Variants in DLGAP2 observed in about 807,000 individuals in gnomAD.
The protein encoded by DLGAP2 is disks large-associated protein 2.
Under a neutral mutation model 100.3 loss-of-function variants are expected in DLGAP2, and 26 were observed. The ratio of observed to expected loss-of-function variants is 0.26; its 90% confidence interval spans 0.19 to 0.36. The LOEUF (loss-of-function observed/expected upper bound fraction) is 0.36. Ranked by LOEUF, DLGAP2 falls within the 10% of genes least tolerant of loss-of-function variation. The probability of loss-of-function intolerance (pLI) is 1.00; values close to 1 mark genes in which losing one functional copy is unlikely to be tolerated. For synonymous variants in DLGAP2, 886 were observed against 630.1 expected, an observed-to-expected ratio of 1.41 and a Z score of -6.08; for missense variants, 1,858 against 1,453.2, an observed-to-expected ratio of 1.28 and a Z score of -4.53.
intron 2 of DLGAP2, among the ~76,000 whole-genome samples, chr8:1,183,343 A>G (rs1350912303): frequency 6.6e-6 from 1 of 152,186 alleles, no homozygotes; most frequent in Non-Finnish European, 1.5e-5. Context: ...TAATTAGCCT[A>G]GCAATTATTT....
At chr8:1,142,830 G>A (rs1464084407) in intron 2 of DLGAP2, among the ~76,000 whole-genome samples, 3 of 152,160 alleles carry the variant, frequency 2.0e-5, no homozygotes, top group Admixed American at 1.3e-4. Flanking sequence ...GAGACCTGGC[G>A]GGAGGAGGAG....
intron 4 of DLGAP2, among the ~76,000 whole-genome samples, chr8:1,515,248 GTCTT>G (rs1285687934): frequency 2.0e-5 from 3 of 152,294 alleles, no homozygotes; most frequent in Admixed American, 1.3e-4. Flanking sequence ...GGGCCAAGGT[GTCTT>G]TCTTTCTTTT....
chr8:1,161,228 G>A (rs139864690), intron 2 of DLGAP2, among the ~76,000 whole-genome samples: 45 of 152,298 alleles, frequency 3.0e-4, no homozygotes, highest in East Asian at 1.7e-3. Context: ...GGCTGGCATG[G>A]ATAGAACCAT....
intron 2 of DLGAP2, among the ~76,000 whole-genome samples, chr8:919,544 A>G (rs932388761): frequency 2.6e-5 from 4 of 152,276 alleles, no homozygotes; most frequent in East Asian, 1.9e-4. Context: ...CCCAGTTAAC[A>G]TCAGGTTGGC....
At chr8:1,165,295 G>C (rs1168154987) in intron 2 of DLGAP2, among the ~76,000 whole-genome samples, 2 of 151,426 alleles carry the variant, frequency 1.3e-5, no homozygotes, top group East Asian at 2.0e-4. Flanking sequence ...TGGGGAGAGA[G>C]ACAGGGAGAG....
At chr8:1,253,824 T>C (rs2116887476) in intron 2 of DLGAP2, among the ~76,000 whole-genome samples, 1 of 152,366 alleles carries the variant, frequency 6.6e-6, no homozygotes, top group East Asian at 1.9e-4. Flanking sequence ...GAATCTTTTT[T>C]AATGGGTGTT....
chr8:1,305,233 T>C (rs1352627909), intron 3 of DLGAP2, among the ~76,000 whole-genome samples: 1 of 152,180 alleles, frequency 6.6e-6, no homozygotes, highest in Non-Finnish European at 1.5e-5. Flanking sequence ...CATCTCTCAA[T>C]GTTAGGGAGT....
At chr8:785,807 TCC>T (rs1491272445) in intron 1 of DLGAP2, among the ~76,000 whole-genome samples, 5,172 of 51,540 alleles carry the variant, frequency 0.1, 810 homozygotes, top group East Asian at 0.22. Flanking sequence ...GCCTCCCTCC[TCC>T]CCTCAGGCTC....
chr8:1,116,836 T>C (rs760582160), intron 2 of DLGAP2, among the ~76,000 whole-genome samples: 19 of 152,116 alleles, frequency 1.2e-4, no homozygotes, highest in Admixed American at 7.2e-4. Context: ...TATTCATTAC[T>C]GTATCTGGAA....
In DLGAP2 at chr8:852,300, T is replaced by TG. The variant is rs571734289; in HGVS notation, c.19-55611dup. 2.6e-4 allele frequency among the ~76,000 whole-genome samples: 40 copies of TG among 152,352 alleles called. 1 individual carries two copies. The East Asian group carries it at 7.7e-3, about 29-fold the overall frequency. On this transcript the variant is annotated intron_variant, in intron 1 of 14. Coordinates refer to ENST00000637795, the MANE Select transcript of DLGAP2 (RefSeq NM_001346810.2). ...TCTGGAGGCCACAGGCCTGGGGCTCTGCCTCCTGTCTCCACTGAGCTGTCA... is the reference window on the plus strand; with the variant it reads ...TCTGGAGGCCACAGGCCTGGGGCTCTGGCCTCCTGTCTCCACTGAGCTGTCA...
chr8:1,179,687 G>A (rs1045622085), intron 2 of DLGAP2, among the ~76,000 whole-genome samples: 4 of 152,162 alleles, frequency 2.6e-5, no homozygotes, highest in South Asian at 2.1e-4. Flanking sequence ...TATATTAAGC[G>A]ACCCTGGAAT....
chr8:935,284 G>C (rs905247007), intron 2 of DLGAP2, among the ~76,000 whole-genome samples: 8 of 152,160 alleles, frequency 5.3e-5, no homozygotes, highest in Non-Finnish European at 8.8e-5. Flanking sequence ...GGGAGTCCTC[G>C]CTGTACAAAC....
intron 2 of DLGAP2, among the ~76,000 whole-genome samples, chr8:974,629 C>T (rs1277015866): frequency 1.3e-5 from 2 of 152,108 alleles, no homozygotes; most frequent in Non-Finnish European, 2.9e-5. Context: ...AGATACTAAA[C>T]AACATACTTC....
intron 3 of DLGAP2, among the ~76,000 whole-genome samples, chr8:1,267,552 CCCG>C (rs1799481538): frequency 1.1e-5 from 1 of 88,254 alleles, no homozygotes; most frequent in Non-Finnish European, 2.1e-5. Context: ...GAGCAAAATT[CCCG>C]CTCAAAATAA....
chr8:1,433,978 A>T (rs1563145102), intron 3 of DLGAP2, among the ~76,000 whole-genome samples: 1 of 152,058 alleles, frequency 6.6e-6, no homozygotes, highest in Non-Finnish European at 1.5e-5. Flanking sequence ...TGTAAATGTT[A>T]TTGGAGAGAA....
intron 2 of DLGAP2, among the ~76,000 whole-genome samples, chr8:1,017,694 G>T (rs1335924920): frequency 6.6e-6 from 1 of 151,960 alleles, no homozygotes; most frequent in Non-Finnish European, 1.5e-5. Flanking sequence ...GTTTCCTGTG[G>T]GGTTTCCATA....
chr8:986,711 G>A (rs1800497740), intron 2 of DLGAP2, among the ~76,000 whole-genome samples: 3 of 151,406 alleles, frequency 2.0e-5, no homozygotes, highest in Admixed American at 2.0e-4. Context: ...CTAGGCTGGA[G>A]TGCAATGATG....
chr8:1,433,776 T>C (rs1797531566), intron 3 of DLGAP2, among the ~76,000 whole-genome samples: 1 of 144,978 alleles, frequency 6.9e-6, no homozygotes, highest in Non-Finnish European at 1.5e-5. Flanking sequence ...GTTCAGATAT[T>C]GTGTTGACAG....
intron 1 of DLGAP2, among the ~76,000 whole-genome samples, chr8:858,695 G>C (rs185386683): frequency 2.3e-4 from 34 of 150,360 alleles, no homozygotes; most frequent in Non-Finnish European, 4.3e-4. Flanking sequence ...GTGTGATGCT[G>C]TCATTGTAGG....
Sources: allele counts gnomAD v4.1 joint callset (sites outside exome capture counted in the v4.1 genomes callset), GRCh38; gene constraint gnomAD v4.1.1; transcripts MANE v1.5; gene names NCBI Gene and HGNC (gene_info 2026-07-23, HGNC 2026-07-21).